LONP2: variants seen among roughly 807,000 people sequenced by gnomAD.
The protein encoded by LONP2 is lon peptidase 2, peroxisomal.
LONP2 carries 60 observed loss-of-function variants against 85.6 expected under a neutral mutation model. The observed-to-expected ratio is 0.70, with a 90% CI of 0.57 to 0.87. The LOEUF is 0.87. Among genes scored for constraint, LONP2 ranks in the 40% least tolerant of loss-of-function variants. The pLI is 0.00. For synonymous variants in LONP2, 395 were observed against 389.7 expected (o/e 1.01, Z -0.16); for missense variants, 860 against 1,063.5 (o/e 0.81, Z 2.66).
intron 2 of LONP2, 29 bp downstream of exon 2, chr16:48,252,394 C>A (rs1439591087): frequency 1.4e-6 from 2 of 1,444,292 alleles, no homozygotes; most frequent in East Asian, 4.7e-5. Context: ...TTCTTAAAAC[C>A]CATTTTTCTT....
chr16:48,304,308 A>G (rs1423073236), intron 11 of LONP2, among the ~76,000 whole-genome samples: 1 of 152,244 alleles, frequency 6.6e-6, no homozygotes, highest in Non-Finnish European at 1.5e-5. Context: ...TTTTATGGAT[A>G]AACAACTAAA....
At chr16:48,274,377 G>A (rs1267670358) in intron 7 of LONP2, among the ~76,000 whole-genome samples, 4 of 151,704 alleles carry the variant, frequency 2.6e-5, no homozygotes, top group Non-Finnish European at 5.9e-5. Context: ...TATTTAACAT[G>A]GTGCTAAATG....
intron 11 of LONP2, among the ~76,000 whole-genome samples, chr16:48,304,209 A>G (rs959022051): frequency 6.6e-6 from 1 of 152,270 alleles, no homozygotes; most frequent in Non-Finnish European, 1.5e-5. Flanking sequence ...TTTTTACAAC[A>G]TAAGACAATC....
In LONP2 at chr16:48,244,533, G is replaced by A. The variant is rs1265517673; in HGVS notation, c.145G>A (p.Gly49Ser). The change falls in exon 1 of 15, where the codon GGC (glycine) becomes AGC (serine). Residue 49 changes from glycine to serine, a missense_variant. By Grantham distance (56) the Gly-to-Ser change is moderately conservative (BLOSUM62 0). Transcript: ENST00000285737. ...GCTGGTGCGGAGCCGCCTTCTGAAGGGCACGTCGCTGCAAAGCACCATCCT... is the reference window on the plus strand; with the variant it reads ...GCTGGTGCGGAGCCGCCTTCTGAAGAGCACGTCGCTGCAAAGCACCATCCT... ...LQLVRSRLLK[G>S]TSLQSTILGV... The A allele has an allele frequency of 6.4e-7, 1 of 1,574,674 alleles. No homozygotes were observed. The highest frequency in any genetic ancestry group is 1.4e-5 in the African/African-American group (1 of 73,728).
chr16:48,270,918 A>G (rs1024172922), intron 7 of LONP2, among the ~76,000 whole-genome samples: 1 of 152,104 alleles, frequency 6.6e-6, no homozygotes, highest in Non-Finnish European at 1.5e-5. Context: ...GTTTGAGCCT[A>G]ACAGTTTGAG....
downstream of LONP2, among the ~76,000 whole-genome samples, chr16:48,357,650 AC>A: frequency 6.6e-6 from 1 of 152,300 alleles, no homozygotes; most frequent in East Asian, 1.9e-4. Context: ...TGGATTACTT[AC>A]CAATTCTTCT....
At chr16:48,330,815 G>A in intron 11 of LONP2, among the ~76,000 whole-genome samples, 1 of 152,090 alleles carries the variant, frequency 6.6e-6, no homozygotes. Flanking sequence ...TGAGGTTACT[G>A]AATTTTTTAA....
rs766541337 is a variant in LONP2, at chr16:48,261,424, G to GT, written c.726dup (p.Ile243TyrfsTer7). ...TTTACTTTTCTGCTTTCTATGTTAGGTTATAGCAATACGCCCTATTAGGAG... is the reference window on the plus strand; with the variant it reads ...TTTACTTTTCTGCTTTCTATGTTAGGTTTATAGCAATACGCCCTATTAGGAG... On this transcript the variant is annotated frameshift_variant and splice_region_variant, in exon 5 of 15. Coordinates refer to ENST00000285737, the MANE Select transcript of LONP2 (RefSeq NM_031490.5). LOFTEE classifies it high-confidence loss of function. The GT allele has an allele frequency of 6.3e-7, 1 of 1,588,988 alleles. No homozygotes were observed. The highest frequency in any genetic ancestry group is 1.4e-5 in the African/African-American group (1 of 73,574).
chr16:48,358,970 A>G (rs773689123), downstream of LONP2, among the ~76,000 whole-genome samples: 1 of 152,062 alleles, frequency 6.6e-6, no homozygotes, highest in Admixed American at 6.6e-5. Context: ...AAAATGATAT[A>G]CCTCCACGAA....
At chr16:48,321,004 A>G (rs747051486) in intron 11 of LONP2, among the ~76,000 whole-genome samples, 8 of 152,204 alleles carry the variant, frequency 5.3e-5, no homozygotes, top group East Asian at 1.9e-4. Context: ...CCTGGTTTCA[A>G]CTTGCTGCAA....
downstream of LONP2, chr16:48,362,030 A>G: frequency 6.2e-7 from 1 of 1,614,208 alleles, no homozygotes; most frequent in South Asian, 1.1e-5. The surrounding 1 kb of genome is among the most constrained non-coding windows in gnomAD (Gnocchi z 4.2). Context: ...ATTTACAGGA[A>G]GCACCAGGGC....
At chr16:48,293,921 T>C (rs1567327144) in intron 8 of LONP2, among the ~76,000 whole-genome samples, 1 of 152,148 alleles carries the variant, frequency 6.6e-6, no homozygotes, top group Non-Finnish European at 1.5e-5. Flanking sequence ...TTTCCGTACC[T>C]AAACAGTTTG....
At chr16:48,250,480 C>CAA (rs57007300) in intron 1 of LONP2, among the ~76,000 whole-genome samples, 1,752 of 122,060 alleles carry the variant, frequency 0.014, 34 homozygotes, top group African/African-American at 0.048. Flanking sequence ...GACTCCGTCT[C>CAA]AAAAAAAAAA....
At chr16:48,258,021 G>A (rs1016593481) in intron 3 of LONP2, among the ~76,000 whole-genome samples, 19 of 152,206 alleles carry the variant, frequency 1.2e-4, no homozygotes, top group Non-Finnish European at 1.3e-4. Flanking sequence ...AAGAGTTGAC[G>A]TCAACTGTGT....
At chr16:48,336,623 T>C in intron 12 of LONP2, 1 of 349,310 alleles carries the variant, frequency 2.9e-6, no homozygotes, top group South Asian at 2.1e-5. Context: ...GGGGCGGGGG[T>C]CACAAGGTGC....
Position 48,263,977 on chromosome 16 carries a change from G to A in LONP2, c.982+1105G>A, listed in dbSNP as rs577032904. ...CCCCACAAGCCACAAAAACCAGCAA[G>A]TTTTTATTAGGGATTTTCAAAAGGG... On this transcript the variant is annotated intron_variant, in intron 6 of 14. Coordinates refer to ENST00000285737, the MANE Select transcript of LONP2 (RefSeq NM_031490.5). Among the ~76,000 whole-genome samples, 74 of 152,314 alleles carry A rather than the reference G, an allele frequency of 4.9e-4. 1 individual carries two copies. Among genetic ancestry groups the A allele is most frequent in the African/African-American group, 1.6e-3 (65 of 41,568 alleles).
At chr16:48,279,552 G>A (rs1972283526) in intron 8 of LONP2, among the ~76,000 whole-genome samples, 1 of 151,706 alleles carries the variant, frequency 6.6e-6, no homozygotes, top group Admixed American at 6.6e-5. Context: ...CTGAGCTCTT[G>A]TTTTCAGCAT....
chr16:48,268,566 C>T (rs1225369753), intron 6 of LONP2, among the ~76,000 whole-genome samples: 1 of 152,124 alleles, frequency 6.6e-6, no homozygotes, highest in African/African-American at 2.4e-5. Flanking sequence ...TTAATATTTA[C>T]AGCTATATAA....
At chr16:48,293,301 G>T (rs554213322) in intron 8 of LONP2, among the ~76,000 whole-genome samples, 1 of 152,042 alleles carries the variant, frequency 6.6e-6, no homozygotes, top group Non-Finnish European at 1.5e-5. Context: ...GGTGGCGGGC[G>T]CCTGTAGTCC....
Sources: gnomAD v4.1 joint callset for allele counts (sites outside exome capture counted in the v4.1 genomes callset) on GRCh38, gnomAD v4.1.1 for gene constraint, Gnocchi (gnomAD v3.1) non-coding constraint, MANE v1.5 for transcripts, NCBI Gene and HGNC (gene_info 2026-07-23, HGNC 2026-07-21) for gene names.